LATS2: variants seen among roughly 807,000 people sequenced by gnomAD.
LATS2 encodes large tumor suppressor kinase 2.
In LATS2, 24 loss-of-function variants were observed where a neutral mutation model predicts 76.0. The ratio of observed to expected loss-of-function variants is 0.32; its 90% CI spans 0.23 to 0.44. The LOEUF (loss-of-function observed/expected upper bound fraction) is 0.44. Among genes scored for constraint, LATS2 ranks in the 20% least tolerant of loss-of-function variants. The pLI is 1.00. For synonymous variants in LATS2, 692 were observed against 635.4 expected (o/e 1.09, Z -1.34); for missense variants, 1,286 against 1,481.2 (o/e 0.87, Z 2.16).
Position 21,043,208 on chromosome 13 carries a change from C to T in LATS2, c.342+2477G>A, listed in dbSNP as rs192837891. Among the ~76,000 whole-genome samples the T allele has an allele frequency of 4.7e-5, 7 of 150,128 alleles. No homozygotes were observed. In the East Asian group the frequency reaches 1.0e-3, roughly 22 times the overall value. ...CAAAAATTAGCCAGGCGTGGTGTTG[C>T]GTGCCTGTAATCGCAGCTACATGGG... On this transcript the variant is annotated intron_variant, in intron 2 of 7. Coordinates refer to ENST00000382592, the MANE Select transcript of LATS2 (RefSeq NM_014572.3).
chr13:21,012,414 G>T (rs1308606612), intron 2 of LATS2, among the ~76,000 whole-genome samples: 1 of 152,138 alleles, frequency 6.6e-6, no homozygotes, highest in Non-Finnish European at 1.5e-5. Context: ...GTTGGACTAT[G>T]AAGTTACAGC....
rs1462436233 is a variant in LATS2, at chr13:20,988,308, G to C, written c.1472C>G (p.Ala491Gly). Residue 491 changes from alanine to glycine, a missense_variant, in exon 4 of 8, where the codon GCC (alanine) becomes GGC (glycine). Ala to Gly is a moderately conservative substitution (Grantham distance 60, BLOSUM62 0). Around this residue, in one of 5 missense-constraint regions of LATS2, gnomAD observed 710 missense variants for 660.9 expected, o/e 1.07. Coordinates refer to ENST00000382592, the MANE Select transcript of LATS2 (RefSeq NM_014572.3). ...AEGLDAKEEHALALGGAGAFP... is the reference protein window; with the variant it reads ...AEGLDAKEEHGLALGGAGAFP... ...GGCGCCTGCGCCGCCCAGCGCCAGG[G>C]CATGCTCCTCCTTGGCGTCCAAGCC... is the stretch of plus-strand genomic sequence containing the variant. 1 of 1,557,364 alleles carries C rather than the reference G, an allele frequency of 6.4e-7. No individual in the cohort carries two copies. The highest frequency in any genetic ancestry group is 1.4e-5 in the African/African-American group (1 of 73,386).
chr13:20,978,402 CA>C (rs976042046), intron 7 of LATS2, among the ~76,000 whole-genome samples: 10 of 152,112 alleles, frequency 6.6e-5, no homozygotes, highest in African/African-American at 9.7e-5. Context: ...TAACTCATTT[CA>C]GAAAGCAAAT....
intron 1 of LATS2, among the ~76,000 whole-genome samples, chr13:21,057,353 A>C (rs998289127): frequency 2.0e-5 from 3 of 152,218 alleles, no homozygotes; most frequent in Admixed American, 6.5e-5. Flanking sequence ...AACTTAAAAC[A>C]CTTGTCACAA....
chr13:21,045,231 G>A (rs1256344184), intron 2 of LATS2, among the ~76,000 whole-genome samples: 2 of 151,950 alleles, frequency 1.3e-5, no homozygotes, highest in East Asian at 1.9e-4. Flanking sequence ...GGAGAAAACC[G>A]AGTCAGAGAA....
chr13:20,976,142 T>C (rs1246002641), intron 7 of LATS2, among the ~76,000 whole-genome samples: 2 of 150,908 alleles, frequency 1.3e-5, no homozygotes, highest in East Asian at 4.0e-4. Context: ...GCACTTGTTG[T>C]AGAGATGTGT....
At chr13:21,040,588 G>A (rs761861034) in intron 2 of LATS2, among the ~76,000 whole-genome samples, 3 of 152,098 alleles carry the variant, frequency 2.0e-5, no homozygotes, top group Non-Finnish European at 4.4e-5. Context: ...GTAAGCAAGC[G>A]GGAAGAGCTG....
chr13:21,012,438 G>A (rs953188273), intron 2 of LATS2, among the ~76,000 whole-genome samples: 1 of 152,192 alleles, frequency 6.6e-6, no homozygotes, highest in Non-Finnish European at 1.5e-5. Context: ...AAAGCCATTA[G>A]CTAATAGGAA....
At chr13:20,993,140 A>G (rs779264890) in intron 2 of LATS2, among the ~76,000 whole-genome samples, 1 of 151,912 alleles carries the variant, frequency 6.6e-6, no homozygotes, top group Non-Finnish European at 1.5e-5. Flanking sequence ...AAGCCTGGCC[A>G]TGGTCACAGA....
intron 2 of LATS2, among the ~76,000 whole-genome samples, chr13:21,022,422 G>A (rs61950276): frequency 6.6e-6 from 1 of 152,084 alleles, no homozygotes; most frequent in Non-Finnish European, 1.5e-5. Context: ...ACCCCCACTA[G>A]CCCCGAAAGC....
chr13:21,024,471 T>G (rs1204249503), intron 2 of LATS2, among the ~76,000 whole-genome samples: 1 of 152,070 alleles, frequency 6.6e-6, no homozygotes, highest in Non-Finnish European at 1.5e-5. Context: ...AATATAAAAG[T>G]TAACCCTTTT....
chr13:20,973,389 TATA>T lies in LATS2; in HGVS notation c.*1478_*1480del, dbSNP rs1869425791. ...CTTCAAGGAAAAATATGTGGAATAA[TATA>T]ATGAAAATTATGAAGCATCAGATTT... On this transcript the variant is annotated 3_prime_UTR_variant, in exon 8 of 8. Transcript: ENST00000382592. 4.3e-6 allele frequency: 1 copy of T among 231,662 alleles called. No homozygotes were observed. The highest frequency in any genetic ancestry group is 8.5e-6 in the Non-Finnish European group (1 of 117,070). The allele number at this position is 231,662 out of a possible 1,614,324, so 14.4% of individuals were successfully genotyped here. A position where few individuals can be genotyped will look rare whatever the true frequency, so the allele number is the denominator to read the frequency against.
rs954810686 is a variant in LATS2 at position 21,019,352 on chromosome 13, G to A, written c.342+26333C>T. Among the ~76,000 whole-genome samples, 61 of 148,850 alleles carry A rather than the reference G, an allele frequency of 4.1e-4. 1 individual carries two copies. Among genetic ancestry groups the A allele is most frequent in the South Asian group, 1.5e-3 (7 of 4,738 alleles). On this transcript the variant is annotated intron_variant, in intron 2 of 7. Coordinates refer to ENST00000382592, the MANE Select transcript of LATS2 (RefSeq NM_014572.3). ...TATTATTATTATTATTTGAGACAGA[G>A]TTTCACTCTTGTAGCCCACGCTGGA...
At chr13:21,009,359 C>CTCCTCTCAGA (rs1474639851) in intron 2 of LATS2, among the ~76,000 whole-genome samples, 1 of 152,206 alleles carries the variant, frequency 6.6e-6, no homozygotes, top group Non-Finnish European at 1.5e-5. Flanking sequence ...CTCCTCTCCT[C>CTCCTCTCAGA]TCCTCTCAGA....
At chr13:21,030,903 C>T (rs1872511894) in intron 2 of LATS2, among the ~76,000 whole-genome samples, 1 of 151,902 alleles carries the variant, frequency 6.6e-6, no homozygotes, top group East Asian at 1.9e-4. Flanking sequence ...AATACAGGTC[C>T]CCTGGTAACA....
intron 2 of LATS2, among the ~76,000 whole-genome samples, chr13:21,018,367 T>C (rs1345643897): frequency 6.7e-6 from 1 of 149,574 alleles, no homozygotes; most frequent in Non-Finnish European, 1.5e-5. Flanking sequence ...CTACTGTCCA[T>C]CTGGCAAGAT....
intron 1 of LATS2, among the ~76,000 whole-genome samples, chr13:21,060,865 C>G (rs1024895151): frequency 3.2e-4 from 49 of 151,430 alleles, no homozygotes; most frequent in East Asian, 2.0e-4. Context: ...CCGGGGGTCC[C>G]GAGGCTGTCA....
At chr13:21,013,794 C>T (rs945677470) in intron 2 of LATS2, among the ~76,000 whole-genome samples, 2 of 151,992 alleles carry the variant, frequency 1.3e-5, no homozygotes, top group Non-Finnish European at 2.9e-5. Context: ...AGCAAGACCC[C>T]GTCTCTACAA....
At chr13:21,060,267 C>A (rs1873586725) in intron 1 of LATS2, among the ~76,000 whole-genome samples, 1 of 152,228 alleles carries the variant, frequency 6.6e-6, no homozygotes, top group Admixed American at 6.5e-5. Flanking sequence ...TGGAGTTGGG[C>A]TGAAGGATGT....
Sources: allele counts gnomAD v4.1 joint callset (sites outside exome capture counted in the v4.1 genomes callset), GRCh38; gene constraint gnomAD v4.1.1; regional missense constraint gnomAD v4.1.1; transcripts MANE v1.5; gene names NCBI Gene and HGNC (gene_info 2026-07-23, HGNC 2026-07-21).